Variants in SLC7A9 observed in about 807,000 individuals in gnomAD.
SLC7A9 encodes solute carrier family 7 member 9, also known as B(0,+)-type amino acid transporter 1.
In SLC7A9, 38 loss-of-function variants were observed where a neutral mutation model predicts 54.1. The ratio of observed to expected loss-of-function variants is 0.70; its 90% CI spans 0.54 to 0.92. The LOEUF is 0.92. Ranked by LOEUF, SLC7A9 falls within the 40% of genes least tolerant of loss-of-function variation. The pLI, the probability that SLC7A9 is intolerant of heterozygous loss-of-function variation, is 0.00. For synonymous variants in SLC7A9, 264 were observed against 258.9 expected, an observed-to-expected ratio of 1.02 and a Z score of -0.19; for missense variants, 537 against 636.1, an observed-to-expected ratio of 0.84 and a Z score of 1.68.
intron 9 of SLC7A9, among the ~76,000 whole-genome samples, chr19:32,848,291 T>C (rs372345102): frequency 3.6e-5 from 5 of 139,638 alleles, no homozygotes; most frequent in South Asian, 4.5e-4. Flanking sequence ...TCAGGAAACC[T>C]ATCTCACATG....
intron 6 of SLC7A9, 72 bp downstream of exon 6, chr19:32,862,046 T>C (rs376814822): frequency 2.1e-6 from 2 of 935,550 alleles, no homozygotes; most frequent in South Asian, 2.6e-5. Flanking sequence ...TTGTTTTCCA[T>C]GACAGGTGGA....
chr19:32,842,597 T>TTTTTG (rs3837976), intron 10 of SLC7A9, among the ~76,000 whole-genome samples: 3,669 of 149,090 alleles, frequency 0.025, 123 homozygotes, highest in East Asian at 0.16. Flanking sequence ...ACTGTGGGTT[T>TTTTTG]TTTTGTTTTG....
At chr19:32,858,576 C>T (rs371351695) in intron 8 of SLC7A9, 33 bp from the exon 9 acceptor site, 40 of 1,556,102 alleles carry the variant, frequency 2.6e-5, no homozygotes, top group Non-Finnish European at 3.5e-5. Flanking sequence ...TCCTGAGGGT[C>T]TTTCTTGGCC....
intron 1 of SLC7A9, among the ~76,000 whole-genome samples, chr19:32,868,878 C>T (rs1273895081): frequency 6.6e-6 from 1 of 152,028 alleles, no homozygotes; most frequent in African/African-American, 2.4e-5. Context: ...CCTCTATGGT[C>T]AACTTCATTT....
intron 11 of SLC7A9, among the ~76,000 whole-genome samples, chr19:32,838,661 T>C (rs1968035929): frequency 6.8e-6 from 1 of 148,062 alleles, no homozygotes; most frequent in African/African-American, 2.5e-5. Context: ...CCTTATATAA[T>C]ACCCTTAGTC....
At chr19:32,842,968 G>T (rs1052083102) in intron 10 of SLC7A9, among the ~76,000 whole-genome samples, 1 of 152,170 alleles carries the variant, frequency 6.6e-6, no homozygotes, top group East Asian at 1.9e-4. Flanking sequence ...GTCTTGGCCT[G>T]TGTTAGTTGT....
chr19:32,856,890 C>T (rs1440131085), intron 9 of SLC7A9, among the ~76,000 whole-genome samples: 1 of 152,126 alleles, frequency 6.6e-6, no homozygotes, highest in Non-Finnish European at 1.5e-5. Flanking sequence ...TGGTGGCTCA[C>T]ACCTGTAATC....
intron 11 of SLC7A9, among the ~76,000 whole-genome samples, chr19:32,838,329 G>A (rs1392188343): frequency 6.6e-6 from 1 of 151,646 alleles, no homozygotes; most frequent in Non-Finnish European, 1.5e-5. Flanking sequence ...TAGGTATGAA[G>A]GATGTGTTTT....
chr19:32,847,928 C>G (rs1345233680), intron 9 of SLC7A9, among the ~76,000 whole-genome samples: 1 of 152,052 alleles, frequency 6.6e-6, no homozygotes, highest in African/African-American at 2.4e-5. Context: ...TTCGTACCCA[C>G]CCAAGCTAAG....
At chr19:32,852,347 A>T (rs983880366) in intron 9 of SLC7A9, among the ~76,000 whole-genome samples, 2 of 151,796 alleles carry the variant, frequency 1.3e-5, no homozygotes, top group African/African-American at 4.8e-5. Flanking sequence ...AATATTAGCC[A>T]TGCATGGTGG....
chr19:32,841,206 A>T (rs1968117706), intron 11 of SLC7A9, among the ~76,000 whole-genome samples: 1 of 152,186 alleles, frequency 6.6e-6, no homozygotes, highest in Non-Finnish European at 1.5e-5. Context: ...TTAAGCCCTC[A>T]GCTTACCTTT....
chr19:32,830,769 T>C, intron 12 of SLC7A9, 85 bp from the exon 13 acceptor site: 1 of 1,097,864 alleles, frequency 9.1e-7, no homozygotes, highest in Non-Finnish European at 1.4e-6. Context: ...AGGGTGACAT[T>C]GTTTTCAGTC....
chr19:32,833,370 T>C (rs747094387), intron 11 of SLC7A9, 47 bp from the exon 12 acceptor site: 2 of 1,601,974 alleles, frequency 1.2e-6, no homozygotes, highest in East Asian at 2.2e-5. Context: ...TTTTTGAAAT[T>C]TTTCATGATA....
At chr19:32,849,132 A>G (rs1381205590) in intron 9 of SLC7A9, among the ~76,000 whole-genome samples, 1 of 152,184 alleles carries the variant, frequency 6.6e-6, no homozygotes, top group East Asian at 1.9e-4. Flanking sequence ...GAACTAGAAA[A>G]GCAAGAGCAA....
rs551071055 is a variant in SLC7A9 at position 32,840,091 on chromosome 19, ACCCTTTCTACTT to A, written c.1224+2065_1224+2076del. 2.7e-3 allele frequency among the ~76,000 whole-genome samples: 410 copies of A among 151,204 alleles called. 3 individuals carry two copies. The highest frequency in any genetic ancestry group is 9.6e-3 in the African/African-American group (394 of 41,174). On this transcript the variant is annotated intron_variant, in intron 11 of 12. Transcript: ENST00000023064. Reference sequence around the variant, plus strand: ...TTTCTGTCCCCTTGTTTTCTCTCAAACCCTTTCTACTTCTGTCTGATATTTGTTTTCTTCCTT... The same window carrying A: ...TTTCTGTCCCCTTGTTTTCTCTCAAACTGTCTGATATTTGTTTTCTTCCTT...
chr19:32,862,059 TA>T, intron 6 of SLC7A9, 58 bp downstream of exon 6: 1 of 1,104,116 alleles, frequency 9.1e-7, no homozygotes, highest in Non-Finnish European at 1.4e-6. Flanking sequence ...CAGGTGGAGT[TA>T]AAGTCACCTG....
chr19:32,867,636 C>T (rs939973612), intron 2 of SLC7A9, among the ~76,000 whole-genome samples: 6 of 151,972 alleles, frequency 3.9e-5, no homozygotes, highest in Non-Finnish European at 7.4e-5. Flanking sequence ...ACAAAAGCAC[C>T]TATTTATGAA....
At chr19:32,852,985 C>T (rs1473399942) in intron 9 of SLC7A9, among the ~76,000 whole-genome samples, 1 of 146,622 alleles carries the variant, frequency 6.8e-6, no homozygotes, top group Non-Finnish European at 1.5e-5. Context: ...GCAATCTCGG[C>T]TCACTGCAAC....
intron 9 of SLC7A9, among the ~76,000 whole-genome samples, chr19:32,857,762 G>C (rs1968669576): frequency 6.6e-6 from 1 of 152,188 alleles, no homozygotes; most frequent in South Asian, 2.1e-4. Flanking sequence ...TGCTACATCT[G>C]AAAGTGTGAT....
Sources: gnomAD v4.1 joint callset for allele counts (sites outside exome capture counted in the v4.1 genomes callset) on GRCh38, gnomAD v4.1.1 for gene constraint, MANE v1.5 for transcripts, NCBI Gene and HGNC (gene_info 2026-07-23, HGNC 2026-07-21) for gene names.